Variants in TMEM132D observed in about 807,000 individuals in gnomAD.
The protein encoded by TMEM132D is mature OL transmembrane protein.
Under a neutral mutation model 62.3 loss-of-function variants are expected in TMEM132D, and 21 were observed. That is an observed-to-expected ratio of 0.34 (90% CI 0.24 to 0.49). The LOEUF (loss-of-function observed/expected upper bound fraction) is 0.49. Among genes scored for constraint, TMEM132D ranks in the 20% least tolerant of loss-of-function variants. The probability of loss-of-function intolerance (pLI) is 0.99; values close to 1 mark genes in which losing one functional copy is unlikely to be tolerated. For missense variants in TMEM132D, 1,346 were observed against 1,402.8 expected, an observed-to-expected ratio of 0.96 and a Z score of 0.65; for synonymous variants, 621 against 575.6, an observed-to-expected ratio of 1.08 and a Z score of -1.13.
At chr12:129,688,744 T>G (rs1226653036) in intron 2 of TMEM132D, among the ~76,000 whole-genome samples, 1 of 151,964 alleles carries the variant, frequency 6.6e-6, no homozygotes, top group East Asian at 1.9e-4. Context: ...ACAGATCAAG[T>G]CTTCTGCCTT....
In TMEM132D at chr12:129,531,127, C is replaced by A; in HGVS notation, c.1047G>T (p.Thr349=). The change falls in exon 3 of 9, where the codon ACG becomes ACT. Residue 349 remains threonine (T), a synonymous_variant. Transcript: ENST00000422113. ...CTGGTGCATACTTTCCAGTATAATC[C>A]GTGCGCTCCTTGACATCCCAAATGG... ...SPSIWDVKER[T]DYTGKYAPAV... The A allele has an allele frequency of 6.2e-7, 1 of 1,614,032 alleles. No homozygotes were observed. Among genetic ancestry groups the A allele is most frequent in the African/African-American group, 1.3e-5 (1 of 75,038 alleles).
At chr12:129,826,472 A>G (rs1020228205) in intron 1 of TMEM132D, among the ~76,000 whole-genome samples, 5 of 152,198 alleles carry the variant, frequency 3.3e-5, no homozygotes, top group African/African-American at 1.2e-4. Flanking sequence ...GTCGTTCCTC[A>G]TGTCTCTAGA....
intron 4 of TMEM132D, among the ~76,000 whole-genome samples, chr12:129,294,679 A>T (rs561922702): frequency 6.6e-6 from 1 of 152,302 alleles, no homozygotes; most frequent in East Asian, 1.9e-4. Flanking sequence ...CACACACTGT[A>T]TATTTCCAAG....
At chr12:129,531,868 T>C (rs1003848441) in intron 2 of TMEM132D, among the ~76,000 whole-genome samples, 3 of 152,160 alleles carry the variant, frequency 2.0e-5, no homozygotes, top group African/African-American at 7.2e-5. Flanking sequence ...AAAAGAAACA[T>C]AGAATAATGA....
intron 3 of TMEM132D, among the ~76,000 whole-genome samples, chr12:129,384,751 T>C (rs1871056743): frequency 6.6e-6 from 1 of 152,220 alleles, no homozygotes; most frequent in Admixed American, 6.5e-5. Flanking sequence ...CTCCAGGTGA[T>C]GCGTTCACAC....
chr12:129,196,060 G>A (rs1878541062), intron 5 of TMEM132D, among the ~76,000 whole-genome samples: 1 of 152,094 alleles, frequency 6.6e-6, no homozygotes, highest in Admixed American at 6.5e-5. Flanking sequence ...CCAGGAAGTG[G>A]AGGCTACAGT....
At chr12:129,595,440 T>C (rs1249238178) in intron 2 of TMEM132D, among the ~76,000 whole-genome samples, 2 of 152,306 alleles carry the variant, frequency 1.3e-5, no homozygotes, top group African/African-American at 2.4e-5. Context: ...AGAGGTGTCG[T>C]AGCTTGAAAC....
chr12:129,250,509 C>T (rs73420166), intron 4 of TMEM132D, among the ~76,000 whole-genome samples: 1,997 of 152,298 alleles, frequency 0.013, 44 homozygotes, highest in African/African-American at 0.045. Flanking sequence ...TCTGATCCTC[C>T]TGTATCTCTG....
chr12:129,079,834 A>G (rs1874396404), intron 7 of TMEM132D, among the ~76,000 whole-genome samples: 1 of 152,178 alleles, frequency 6.6e-6, no homozygotes, highest in Non-Finnish European at 1.5e-5. Flanking sequence ...ACACAGTGAG[A>G]AAAAAGAGAA....
chr12:129,720,241 C>T lies in TMEM132D; in HGVS notation c.80-19543G>A, dbSNP rs374892014. Among the ~76,000 whole-genome samples the T allele has an allele frequency of 9.2e-5, 14 of 152,250 alleles. 1 individual carries two copies. The highest frequency in any genetic ancestry group is 2.4e-4 in the African/African-American group (10 of 41,540). ...ACAGCAACATTCCTAGTAACTCACA[C>T]GGATGGACCAGAAAATGTGTTATTC... On this transcript the variant is annotated intron_variant, in intron 1 of 8. Transcript: ENST00000422113.
intron 4 of TMEM132D, among the ~76,000 whole-genome samples, chr12:129,247,232 C>T (rs1420276998): frequency 6.6e-6 from 1 of 152,112 alleles, no homozygotes; most frequent in Non-Finnish European, 1.5e-5. Context: ...TGGGGTTAGT[C>T]GTTGGGGTTG....
intron 1 of TMEM132D, among the ~76,000 whole-genome samples, chr12:129,901,255 C>T (rs1195738366): frequency 6.6e-6 from 1 of 152,184 alleles, no homozygotes; most frequent in Non-Finnish European, 1.5e-5. Context: ...TGAGAACTTT[C>T]AAGTGATCAG....
chr12:129,811,096 T>C (rs1172932699), intron 1 of TMEM132D, among the ~76,000 whole-genome samples: 1 of 151,582 alleles, frequency 6.6e-6, no homozygotes, highest in Non-Finnish European at 1.5e-5. Context: ...AAATACAATA[T>C]CAATGAACGG....
chr12:129,538,847 C>G (rs1365030119), intron 2 of TMEM132D, among the ~76,000 whole-genome samples: 1 of 151,226 alleles, frequency 6.6e-6, no homozygotes, highest in African/African-American at 2.4e-5. Context: ...TCAGAAGGAG[C>G]GTTGGCTACT....
chr12:129,112,177 G>T (rs938543643), intron 5 of TMEM132D, among the ~76,000 whole-genome samples: 1 of 152,166 alleles, frequency 6.6e-6, no homozygotes, highest in African/African-American at 2.4e-5. Context: ...TGCAAATGAG[G>T]ATTCTAACAG....
intron 1 of TMEM132D, among the ~76,000 whole-genome samples, chr12:129,820,308 G>A (rs905885923): frequency 3.9e-5 from 6 of 152,104 alleles, no homozygotes; most frequent in East Asian, 3.9e-4. Flanking sequence ...CCATTTGCAC[G>A]TCCCAACAAC....
intron 5 of TMEM132D, among the ~76,000 whole-genome samples, chr12:129,155,032 TTC>T (rs1345802827): frequency 6.6e-6 from 1 of 152,244 alleles, no homozygotes; most frequent in Non-Finnish European, 1.5e-5. Context: ...CAGCCAGCAT[TTC>T]TGTTTCATAG....
intron 1 of TMEM132D, among the ~76,000 whole-genome samples, chr12:129,841,128 A>G (rs1202429010): frequency 1.4e-4 from 21 of 152,162 alleles, no homozygotes; most frequent in Admixed American, 1.4e-3. Flanking sequence ...ATTAAATACT[A>G]TATCTGACAT....
chr12:129,785,872 C>T (rs369212961), intron 1 of TMEM132D, among the ~76,000 whole-genome samples: 49 of 151,714 alleles, frequency 3.2e-4, no homozygotes, highest in African/African-American at 1.1e-3. Flanking sequence ...CTCTTTAAAC[C>T]AAGTGCCACC....
Sources: gnomAD v4.1 joint callset for allele counts (sites outside exome capture counted in the v4.1 genomes callset) on GRCh38, gnomAD v4.1.1 for gene constraint, MANE v1.5 for transcripts, NCBI Gene and HGNC (gene_info 2026-07-23, HGNC 2026-07-21) for gene names.